Variants in TLL2 observed in about 807,000 individuals in gnomAD.
TLL2 encodes the protein tolloid like 2.
TLL2 carries 106 observed loss-of-function variants against 123.0 expected under a neutral mutation model. The observed-to-expected ratio is 0.86, with a 90% CI of 0.74 to 1.01. The LOEUF is 1.01. Among genes scored for constraint, TLL2 ranks in the 50% least tolerant of loss-of-function variants. The pLI is 0.00. For missense variants in TLL2, 1,332 were observed against 1,336.7 expected (o/e 1.00, Z 0.06); for synonymous variants, 494 against 516.8 (o/e 0.96, Z 0.60).
In TLL2 at chr10:96,376,708, C is replaced by T. The variant is rs1349731289; in HGVS notation, c.2432G>A (p.Gly811Asp). 2.1e-5 allele frequency: 34 copies of T among 1,609,964 alleles called. No homozygotes were observed. The highest frequency in any genetic ancestry group is 2.9e-5 in the Non-Finnish European group (34 of 1,178,352). ...ATGACTCACGAGTTTCACTCTGTGG[C>T]CTGCAGTCGAAGAGATGTTCCAGGT... Reference protein sequence around the residue: ...ECTWNISSTAGHRVKLTFNEF... With the variant: ...ECTWNISSTADHRVKLTFNEF... The change falls in exon 18 of 21, where the codon GGC (glycine) becomes GAC (aspartate). Residue 811 changes from glycine (G) to aspartate (D), a missense_variant. Coordinates refer to ENST00000357947, the MANE Select transcript of TLL2 (RefSeq NM_012465.4).
At position 96,427,056 on chromosome 10, in the gene TLL2, G is replaced by A. The variant is rs575005113; in HGVS notation, c.638+1575C>T. Reference sequence around the variant, plus strand: ...ATATCTCTTTTATTTTGAACCATAGGGCTTTCATTACCTAGACATTCTGCA... The same window carrying A: ...ATATCTCTTTTATTTTGAACCATAGAGCTTTCATTACCTAGACATTCTGCA... On this transcript the variant is annotated intron_variant, in intron 5 of 20. Coordinates refer to ENST00000357947, the MANE Select transcript of TLL2 (RefSeq NM_012465.4). Among the ~76,000 whole-genome samples, 9 of 152,074 alleles carry A rather than the reference G, an allele frequency of 5.9e-5. No individual in the cohort carries two copies. The South Asian group carries it at 1.9e-3, about 32-fold the overall frequency.
chr10:96,509,791 C>CA (rs1004083199), intron 1 of TLL2, among the ~76,000 whole-genome samples: 21 of 152,142 alleles, frequency 1.4e-4, no homozygotes, highest in Middle Eastern at 3.4e-3. Flanking sequence ...ACTAAAAATA[C>CA]AAAAAAATAG....
intron 17 of TLL2, among the ~76,000 whole-genome samples, chr10:96,378,525 G>C (rs1371658528): frequency 6.6e-6 from 1 of 152,186 alleles, no homozygotes; most frequent in Non-Finnish European, 1.5e-5. Flanking sequence ...ATTGACATTT[G>C]AGGACATAAC....
rs138610477 is a variant in TLL2 at position 96,386,215 on chromosome 10, A to T, written c.1853T>A (p.Val618Glu). ...CTTGGTAATGAAACCGCCACAGGCCACTGCACGGGGGAAACAGAAACAGGA... is the reference window on the plus strand; with the variant it reads ...CTTGGTAATGAAACCGCCACAGGCCTCTGCACGGGGGAAACAGAAACAGGA... ...ELAADKKMCE[V>E]ACGGFITKLN... The change falls in exon 15 of 21, where the codon GTG becomes GAG. Residue 618 changes from valine (V) to glutamate (E), a missense_variant and splice_region_variant. Transcript: ENST00000357947. The T allele has an allele frequency of 6.3e-7, 1 of 1,580,938 alleles. No homozygotes were observed. The highest frequency in any genetic ancestry group is 1.4e-5 in the African/African-American group (1 of 73,684).
chr10:96,416,908 A>C (rs577947163), intron 7 of TLL2, among the ~76,000 whole-genome samples: 37 of 152,322 alleles, frequency 2.4e-4, no homozygotes, highest in African/African-American at 8.7e-4. Context: ...TGAGTTCTGA[A>C]ACAAAGAGGC....
At chr10:96,443,137 G>T (rs1258196074) in intron 3 of TLL2, among the ~76,000 whole-genome samples, 2 of 152,176 alleles carry the variant, frequency 1.3e-5, no homozygotes, top group Non-Finnish European at 2.9e-5. Context: ...GAGGCAAGGG[G>T]GGAAGGTGGT....
chr10:96,468,606 G>C (rs1767718557), intron 2 of TLL2, among the ~76,000 whole-genome samples: 2 of 152,204 alleles, frequency 1.3e-5, no homozygotes, highest in African/African-American at 4.8e-5. Flanking sequence ...GCCTTGGCTA[G>C]AACGTCAGGT....
intron 18 of TLL2, among the ~76,000 whole-genome samples, chr10:96,375,976 A>G (rs58698852): frequency 0.29 from 43,598 of 152,154 alleles, 7,853 homozygotes; most frequent in Non-Finnish European, 0.4. Context: ...GGGTTGAGAA[A>G]TGAGACTCCT....
intron 2 of TLL2, among the ~76,000 whole-genome samples, chr10:96,471,248 A>G (rs1589430622): frequency 6.6e-6 from 1 of 152,004 alleles, no homozygotes; most frequent in South Asian, 2.1e-4. Context: ...CAAGCAATCC[A>G]CCTGCCTTGG....
chr10:96,429,801 C>G (rs1364516047), intron 4 of TLL2, among the ~76,000 whole-genome samples: 3 of 152,148 alleles, frequency 2.0e-5, no homozygotes, highest in African/African-American at 7.2e-5. Flanking sequence ...TTCTTCCAGG[C>G]CTTTGAAAAT....
chr10:96,470,650 A>G (rs1424629643), intron 2 of TLL2, among the ~76,000 whole-genome samples: 1 of 152,194 alleles, frequency 6.6e-6, no homozygotes. Context: ...TCTAGAAGCA[A>G]TGGAGTGTAG....
intron 2 of TLL2, among the ~76,000 whole-genome samples, chr10:96,473,250 T>A (rs939733232): frequency 7.3e-5 from 11 of 151,648 alleles, no homozygotes; most frequent in African/African-American, 2.7e-4. Context: ...AGATCAGGAG[T>A]TCGAGACCAG....
chr10:96,509,159 C>G (rs766631206), intron 1 of TLL2, among the ~76,000 whole-genome samples: 3 of 152,204 alleles, frequency 2.0e-5, no homozygotes. Context: ...GCGAATGAGC[C>G]TTCAGATAAC....
rs570958284 is a variant in TLL2, at chr10:96,391,109, G to A, written c.1727-4031C>T. Reference sequence around the variant, plus strand: ...GTTGGACAGTGTTGCACGAGGCTGTGGTCGCTCACCCACTCTTCTTCCAGA... The same window carrying A: ...GTTGGACAGTGTTGCACGAGGCTGTAGTCGCTCACCCACTCTTCTTCCAGA... On this transcript the variant is annotated intron_variant, in intron 13 of 20. Transcript: ENST00000357947. Among the ~76,000 whole-genome samples, 4 of 152,144 alleles carry A rather than the reference G, an allele frequency of 2.6e-5. No homozygotes were observed. The South Asian group carries it at 6.2e-4, about 24-fold the overall frequency.
rs58380591 is a variant in TLL2 at position 96,422,208 on chromosome 10, CT to C, written c.817+340del. 9.4e-3 allele frequency among the ~76,000 whole-genome samples: 1,208 copies of C among 128,956 alleles called. 9 individuals are homozygous for C. Among genetic ancestry groups the C allele is most frequent in the African/African-American group, 0.018 (637 of 35,058 alleles). The allele number at this position is 128,956 out of a possible 152,430, so 84.6% of individuals were successfully genotyped here. A position where few individuals can be genotyped will look rare whatever the true frequency, so the allele number is the denominator to read the frequency against. On this transcript the variant is annotated intron_variant, in intron 6 of 20. Transcript: ENST00000357947. Reference sequence around the variant, plus strand: ...ACTCATAAAAGCAGCCAGGAGAACTCTTTTTTTTTTTTTTTTGGCTTATCAG... The same window carrying C: ...ACTCATAAAAGCAGCCAGGAGAACTCTTTTTTTTTTTTTTTGGCTTATCAG...
intron 2 of TLL2, among the ~76,000 whole-genome samples, chr10:96,450,180 T>C (rs960749523): frequency 2.0e-5 from 3 of 151,758 alleles, no homozygotes; most frequent in Non-Finnish European, 4.4e-5. Flanking sequence ...GATGGATGGA[T>C]GGATGGATGG....
At chr10:96,473,252 C>G (rs377184331) in intron 2 of TLL2, among the ~76,000 whole-genome samples, 2 of 152,002 alleles carry the variant, frequency 1.3e-5, no homozygotes, top group Admixed American at 1.3e-4. Flanking sequence ...ATCAGGAGTT[C>G]GAGACCAGCC....
intron 3 of TLL2, among the ~76,000 whole-genome samples, chr10:96,436,336 A>G (rs1846794893): frequency 6.6e-6 from 1 of 152,244 alleles, no homozygotes; most frequent in Admixed American, 6.5e-5. Flanking sequence ...AAGCTAATAC[A>G]AGACTGATTT....
At chr10:96,398,647 C>T (rs1030210024) in intron 10 of TLL2, among the ~76,000 whole-genome samples, 7 of 152,122 alleles carry the variant, frequency 4.6e-5, no homozygotes, top group African/African-American at 7.2e-5. Flanking sequence ...CCTACTGCCA[C>T]GTCAGGATGG....
Sources: gnomAD v4.1 joint callset for allele counts (sites outside exome capture counted in the v4.1 genomes callset) on GRCh38, gnomAD v4.1.1 for gene constraint, MANE v1.5 for transcripts, NCBI Gene and HGNC (gene_info 2026-07-23, HGNC 2026-07-21) for gene names.